Variants in POMGNT1 observed in about 807,000 individuals in gnomAD.
POMGNT1 encodes the protein protein O-linked-mannose beta-1,2-N-acetylglucosaminyltransferase 1.
In POMGNT1, 67 loss-of-function variants were observed where a neutral mutation model predicts 95.6. That is an observed-to-expected ratio of 0.70 (90% confidence interval 0.58 to 0.86). The LOEUF is 0.86. Ranked by LOEUF, POMGNT1 falls within the 40% of genes least tolerant of loss-of-function variation. The pLI, the probability that POMGNT1 is intolerant of heterozygous loss-of-function variation, is 0.00. For synonymous variants in POMGNT1, 298 were observed against 317.9 expected, an observed-to-expected ratio of 0.94 and a Z score of 0.66; for missense variants, 719 against 855.2, an observed-to-expected ratio of 0.84 and a Z score of 1.99.
chr1:46,215,650 G>C (rs1226309266), intron 1 of POMGNT1, among the ~76,000 whole-genome samples: 3 of 152,240 alleles, frequency 2.0e-5, no homozygotes, highest in Non-Finnish European at 1.5e-5. Context: ...TCTAATCCCA[G>C]CACTCTGGGA....
upstream of POMGNT1, among the ~76,000 whole-genome samples, chr1:46,202,696 C>CA (rs768113273): frequency 0.32 from 10,188 of 32,210 alleles, 3,202 homozygotes; most frequent in Non-Finnish European, 0.35. Context: ...GACTCTGTCT[C>CA]AAAAAAAAAA....
At chr1:46,211,692 T>C (rs1658900977) in intron 1 of POMGNT1, among the ~76,000 whole-genome samples, 1 of 152,176 alleles carries the variant, frequency 6.6e-6, no homozygotes, top group African/African-American at 2.4e-5. Context: ...TTCATATGGC[T>C]CATTAATGGC....
intron 6 of POMGNT1, 60 bp downstream of exon 6, chr1:46,195,751 G>A (rs1424431222): frequency 1.4e-6 from 2 of 1,454,578 alleles, no homozygotes; most frequent in Admixed American, 3.9e-5. Flanking sequence ...AGAGAAGCCG[G>A]GGCTAGAAGC....
intron 1 of POMGNT1, among the ~76,000 whole-genome samples, chr1:46,206,891 C>G (rs370798371): frequency 1.3e-5 from 2 of 152,150 alleles, no homozygotes; most frequent in East Asian, 1.9e-4. Context: ...AAGGAGGAGA[C>G]AGAAGAACAT....
upstream of POMGNT1, chr1:46,203,342 T>C (rs1463751767): frequency 1.5e-6 from 2 of 1,301,578 alleles, no homozygotes; most frequent in Non-Finnish European, 2.0e-6. Context: ...CCGGTTTTGC[T>C]CCGCTTTAGC....
intron 1 of POMGNT1, among the ~76,000 whole-genome samples, chr1:46,207,997 A>G (rs1175836451): frequency 1.3e-5 from 2 of 151,832 alleles, no homozygotes; most frequent in African/African-American, 4.8e-5. Context: ...CTTCCTGAGT[A>G]GCTGGGATTA....
Position 46,192,102 on chromosome 1 carries a change from A to G in POMGNT1, c.1535T>C (p.Phe512Ser). 1 of 1,613,858 alleles carries G rather than the reference A, an allele frequency of 6.2e-7. No homozygotes were observed. The highest frequency in any genetic ancestry group is 8.5e-7 in the Non-Finnish European group (1 of 1,179,730). The change falls in exon 17 of 22, where the codon TTT becomes TCT. Residue 512 changes from phenylalanine to serine, a missense_variant. By Grantham distance (155) the Phe-to-Ser change is radical. Transcript: ENST00000371984. Reference protein sequence around the residue: ...GIVGLNMNGYFHEAYFKKHKF... With the variant: ...GIVGLNMNGYSHEAYFKKHKF... ...TGCTCCCTGCCTCCCACTCACGTGA[A>G]AGTAGCCATTCATGTTGAGGCCGAC... is the stretch of plus-strand genomic sequence containing the variant.
intron 1 of POMGNT1, among the ~76,000 whole-genome samples, chr1:46,204,336 T>C (rs1658646054): frequency 6.6e-6 from 1 of 152,166 alleles, no homozygotes; most frequent in East Asian, 1.9e-4. Flanking sequence ...ACCCTCCCCT[T>C]TCTCTATTGC....
chr1:46,190,694 C>A (rs2275711), intron 18 of POMGNT1, 26 bp downstream of exon 18: 24 of 1,599,266 alleles, frequency 1.5e-5, no homozygotes, highest in Non-Finnish European at 2.0e-5. Context: ...TAGATATCCA[C>A]CCCTTGCCCT....
At chr1:46,193,023 C>T in intron 13 of POMGNT1, 65 bp from the exon 14 acceptor site, 1 of 1,607,480 alleles carries the variant, frequency 6.2e-7, no homozygotes, top group Non-Finnish European at 8.5e-7. Flanking sequence ...TCCTTTGCCC[C>T]CAACCCTCTT....
intron 1 of POMGNT1, among the ~76,000 whole-genome samples, chr1:46,208,061 C>T (rs369602129): frequency 1.3e-5 from 2 of 151,340 alleles, no homozygotes; most frequent in African/African-American, 4.9e-5. Context: ...GGTTTCACCA[C>T]GTTGGCCAGG....
rs778269782 is a variant in POMGNT1, at chr1:46,194,600, C to T, written c.704G>A (p.Gly235Glu). The change falls in exon 8 of 22, where the codon GGG becomes GAG. Residue 235 changes from glycine (G) to glutamate (E), a missense_variant. Gly to Glu is a moderately conservative substitution (Grantham distance 98). Transcript: ENST00000371984. Reference protein sequence around the residue: ...HSKSPALSSWGDPVLLKTDVP... With the variant: ...HSKSPALSSWEDPVLLKTDVP... ...ATCTGTCTTCAGCAGGACTGGGTCC[C>T]CCCAGGAAGAGAGGGCAGGTGATTT... The T allele has an allele frequency of 8.7e-6, 14 of 1,614,086 alleles. No homozygotes were observed. The highest frequency in any genetic ancestry group is 1.2e-5 in the Non-Finnish European group (14 of 1,180,048).
intron 1 of POMGNT1, among the ~76,000 whole-genome samples, chr1:46,217,646 C>T (rs1659107307): frequency 1.3e-5 from 2 of 152,036 alleles, no homozygotes; most frequent in African/African-American, 4.8e-5. Flanking sequence ...TATTTGAGGT[C>T]AGGAGTTTGA....
Position 46,190,611 on chromosome 1 carries a change from T to C in POMGNT1, c.1605-94A>G. 3.9e-6 allele frequency: 6 copies of C among 1,533,542 alleles called. No homozygotes were observed. In the South Asian group the frequency reaches 6.7e-5, roughly 17 times the overall value. 95.0% of individuals were successfully genotyped at this position (1,533,542 alleles called of 1,614,324 possible). A position where few individuals can be genotyped will look rare whatever the true frequency, so the allele number is the denominator to read the frequency against. The stretch of plus-strand genomic sequence containing the variant: ...GGGCAAGGGGTCACATGGGAATCTG[T>C]AGCCGCAGGGCTGGAGTAAACACAC... On this transcript the variant is annotated intron_variant, in intron 18 of 21. Transcript: ENST00000371984.
chr1:46,193,817 C>T, intron 10 of POMGNT1, 38 bp downstream of exon 10: 1 of 1,612,616 alleles, frequency 6.2e-7, no homozygotes, highest in Non-Finnish European at 8.5e-7. Context: ...TAAGCACCCT[C>T]CTGTTCAGTG....
rs373866304 is a variant in POMGNT1 at position 46,196,834 on chromosome 1, C to A, written c.251G>T (p.Arg84Leu). 87 of 1,614,050 alleles carry A rather than the reference C, an allele frequency of 5.4e-5. No individual in the cohort carries two copies. Among genetic ancestry groups the A allele is most frequent in the South Asian group, 7.7e-5 (7 of 91,096 alleles). Residue 84 changes from arginine (R) to leucine (L), a missense_variant, in exon 4 of 22, where the codon CGC (arginine) becomes CTC (leucine). Physicochemically the swap from Arg to Leu is moderately radical, Grantham distance 102. Around this residue, in one of 5 missense-constraint regions of POMGNT1, gnomAD observed 466 missense variants for 517.4 expected, o/e 0.90. Coordinates refer to ENST00000371984, the MANE Select transcript of POMGNT1 (RefSeq NM_017739.4). This position sits in a 1 kb window ranked among gnomAD's most constrained non-coding sequence, Gnocchi z 4.4. ...GCCTCTGCGCCGTGGGGGCTCCAGG[C>A]GGCCTAGGGCCTCATCTGTGGGGTA... ...PEQDYDEALG[R>L]LEPPRRRGSG...
chr1:46,216,945 A>G (rs891173041), intron 1 of POMGNT1, among the ~76,000 whole-genome samples: 5 of 152,192 alleles, frequency 3.3e-5, no homozygotes, highest in African/African-American at 9.6e-5. Context: ...CCAGTTGCAT[A>G]CATGTTGCTG....
intron 6 of POMGNT1, among the ~76,000 whole-genome samples, chr1:46,195,223 C>T (rs1213934627): frequency 6.6e-6 from 1 of 152,200 alleles, no homozygotes; most frequent in Admixed American, 6.5e-5. Flanking sequence ...CTTTTCCAAC[C>T]ACTCTCCTAC....
chr1:46,191,016 C>T, intron 17 of POMGNT1: 1 of 515,902 alleles, frequency 1.9e-6, no homozygotes. Context: ...GCAGCTCACA[C>T]TACTGCACCA....
Sources: allele counts gnomAD v4.1 joint callset (sites outside exome capture counted in the v4.1 genomes callset), GRCh38; gene constraint gnomAD v4.1.1; regional missense constraint gnomAD v4.1.1; non-coding constraint Gnocchi (gnomAD v3.1); transcripts MANE v1.5; gene names NCBI Gene and HGNC (gene_info 2026-07-23, HGNC 2026-07-21).